The following SORCS2 variants were observed in gnomAD, a reference collection of about 807,000 sequenced individuals.
SORCS2 encodes the protein sortilin related VPS10 domain containing receptor 2, also known as VPS10 domain-containing receptor SorCS2.
Under a neutral mutation model 141.6 loss-of-function variants are expected in SORCS2, and 100 were observed. That is an observed-to-expected ratio of 0.71 (90% CI 0.60 to 0.83). The LOEUF (loss-of-function observed/expected upper bound fraction) is 0.83, where lower values mean the gene tolerates loss of function less well. SORCS2 is among the 40% of genes least tolerant of loss of function. The probability of loss-of-function intolerance (pLI) is 0.00; values close to 1 mark genes in which losing one functional copy is unlikely to be tolerated. For synonymous variants in SORCS2, 789 were observed against 676.9 expected (o/e 1.17, Z -2.57); for missense variants, 1,646 against 1,560.2 (o/e 1.05, Z -0.93).
chr4:7,635,930 G>C (rs1720214701), intron 3 of SORCS2, among the ~76,000 whole-genome samples: 1 of 152,194 alleles, frequency 6.6e-6, no homozygotes, highest in African/African-American at 2.4e-5. Flanking sequence ...TGGAAAGAAA[G>C]AATCTATGGG....
intron 1 of SORCS2, among the ~76,000 whole-genome samples, chr4:7,326,016 A>G (rs1028905613): frequency 2.6e-5 from 4 of 151,930 alleles, no homozygotes; most frequent in African/African-American, 9.7e-5. Flanking sequence ...AGGGTCTTTG[A>G]TGTTTTGATG....
intron 2 of SORCS2, among the ~76,000 whole-genome samples, chr4:7,438,871 G>A (rs1727472424): frequency 1.3e-5 from 2 of 151,954 alleles, no homozygotes; most frequent in Non-Finnish European, 2.9e-5. Context: ...ATTTGCACAT[G>A]CTTTTTTCAT....
rs768422291 is a variant in SORCS2, at chr4:7,676,209, G to A, written c.1321G>A (p.Val441Met). ...CAGCTCACGGCAGGCGGAGGAGAGC[G>A]TGCTCATCGACATCCTGGAGGTGGG... ...VRSSRQAEES[V>M]LIDILEVRGV... The change falls in exon 9 of 27, where the codon GTG becomes ATG. Residue 441 changes from valine (V) to methionine (M), a missense_variant. By Grantham distance (21) the Val-to-Met change is conservative. Transcript: ENST00000507866. 1.8e-5 allele frequency: 28 copies of A among 1,551,354 alleles called. No individual in the cohort carries two copies. Among genetic ancestry groups the A allele is most frequent in the Middle Eastern group, 1.8e-4 (1 of 5,594 alleles).
At chr4:7,264,563 C>T (rs1185829905) in intron 1 of SORCS2, among the ~76,000 whole-genome samples, 3 of 152,182 alleles carry the variant, frequency 2.0e-5, no homozygotes, top group Non-Finnish European at 2.9e-5. Context: ...AAGGCTTCTC[C>T]GTGGAGTGAT....
At chr4:7,316,323 A>G (rs988578035) in intron 1 of SORCS2, among the ~76,000 whole-genome samples, 34 of 152,200 alleles carry the variant, frequency 2.2e-4, no homozygotes, top group African/African-American at 8.0e-4. Context: ...TTTTTTGGAC[A>G]TCTCTCATAT....
intron 1 of SORCS2, among the ~76,000 whole-genome samples, chr4:7,391,662 C>G (rs1723872730): frequency 6.6e-6 from 1 of 151,996 alleles, no homozygotes; most frequent in African/African-American, 2.4e-5. Context: ...AGTCAGTGGA[C>G]GTGGGGGCTG....
At chr4:7,693,292 C>G (rs541187930) in intron 11 of SORCS2, among the ~76,000 whole-genome samples, 10 of 152,338 alleles carry the variant, frequency 6.6e-5, no homozygotes, top group Admixed American at 2.0e-4. Flanking sequence ...ATGTTTCCTG[C>G]TCCACACCTT....
chr4:7,398,704 A>T (rs1724377700), intron 2 of SORCS2, among the ~76,000 whole-genome samples: 3 of 152,174 alleles, frequency 2.0e-5, no homozygotes. Context: ...ATATGTTTCT[A>T]GTTTTTCCAT....
chr4:7,440,925 T>G (rs1456188350), intron 2 of SORCS2, among the ~76,000 whole-genome samples: 2 of 152,122 alleles, frequency 1.3e-5, no homozygotes, highest in Non-Finnish European at 2.9e-5. Flanking sequence ...AGTGGCTCTT[T>G]GCGGTGGAGA....
intron 2 of SORCS2, among the ~76,000 whole-genome samples, chr4:7,401,230 GATGGATGGACAGATGAATGA>G (rs1331483126): frequency 5.9e-5 from 9 of 152,090 alleles, no homozygotes; most frequent in African/African-American, 1.9e-4. Flanking sequence ...TGGATGGATG[GATGGATGGACAGATGAATGA>G]ATGGATTGAT....
At chr4:7,245,017 C>A (rs1425491051) in intron 1 of SORCS2, among the ~76,000 whole-genome samples, 2 of 152,162 alleles carry the variant, frequency 1.3e-5, no homozygotes, top group African/African-American at 4.8e-5. Flanking sequence ...AAGGTGGCCG[C>A]CTACCTGGGC....
intron 25 of SORCS2, 44 bp downstream of exon 25, chr4:7,734,418 G>A: frequency 1.5e-6 from 2 of 1,370,918 alleles, no homozygotes; most frequent in Non-Finnish European, 2.0e-6. Context: ...CTGACCATGG[G>A]GCCGTAGGAA....
chr4:7,736,437 C>A (rs990983756), intron 25 of SORCS2, among the ~76,000 whole-genome samples: 2 of 152,224 alleles, frequency 1.3e-5, no homozygotes, highest in African/African-American at 4.8e-5. Flanking sequence ...GAAAGCCCCC[C>A]TCTCCCACTG....
intron 3 of SORCS2, among the ~76,000 whole-genome samples, chr4:7,601,984 G>C (rs1402640347): frequency 6.6e-6 from 1 of 152,148 alleles, no homozygotes; most frequent in African/African-American, 2.4e-5. Context: ...CACGGGGTTG[G>C]GGGTAAGGCC....
At chr4:7,713,514 T>C (rs4346650) in intron 15 of SORCS2, among the ~76,000 whole-genome samples, 1,970 of 152,186 alleles carry the variant, frequency 0.013, 37 homozygotes, top group African/African-American at 0.043. Context: ...AAAGGAGAGA[T>C]TGGGCTCAAC....
At chr4:7,681,148 G>C (rs1055621249) in intron 9 of SORCS2, among the ~76,000 whole-genome samples, 4 of 152,202 alleles carry the variant, frequency 2.6e-5, no homozygotes, top group Admixed American at 2.6e-4. Flanking sequence ...GTCCTTGGGG[G>C]TCAGGGGAGG....
At chr4:7,556,449 T>A (rs1213193212) in intron 3 of SORCS2, among the ~76,000 whole-genome samples, 2 of 152,060 alleles carry the variant, frequency 1.3e-5, no homozygotes, top group East Asian at 3.9e-4. Context: ...CCAGAGGGAA[T>A]ATGGGGAGCA....
intron 1 of SORCS2, among the ~76,000 whole-genome samples, chr4:7,391,951 C>T (rs367994380): frequency 7.9e-5 from 12 of 152,196 alleles, no homozygotes; most frequent in Admixed American, 3.9e-4. Context: ...CGTTGAAACT[C>T]GCAGAAGCTA....
intron 3 of SORCS2, among the ~76,000 whole-genome samples, chr4:7,630,428 A>G (rs905279053): frequency 6.6e-6 from 1 of 152,182 alleles, no homozygotes; most frequent in Non-Finnish European, 1.5e-5. Context: ...GTTTTGCCTC[A>G]TTGGGAACCT....
Sources: gnomAD v4.1 joint callset for allele counts (sites outside exome capture counted in the v4.1 genomes callset) on GRCh38, gnomAD v4.1.1 for gene constraint, MANE v1.5 for transcripts, NCBI Gene and HGNC (gene_info 2026-07-23, HGNC 2026-07-21) for gene names.